The following TNRC18 variants were observed in gnomAD, a reference collection of about 807,000 sequenced individuals.
TNRC18 encodes the protein trinucleotide repeat containing 18, also known as trinucleotide repeat-containing gene 18 protein.
In TNRC18, 69 loss-of-function variants were observed where a neutral mutation model predicts 226.7. The ratio of observed to expected loss-of-function variants is 0.30; its 90% CI spans 0.25 to 0.37. TNRC18 has a LOEUF of 0.37. TNRC18 is among the 10% of genes least tolerant of loss of function. The pLI is 1.00. For synonymous variants in TNRC18, 2,449 were observed against 1,927.6 expected (o/e 1.27, Z -7.09); for missense variants, 4,754 against 4,256.6 (o/e 1.12, Z -3.25).
chr7:5,323,448 C>T (rs1038713535), intron 21 of TNRC18, among the ~76,000 whole-genome samples: 4 of 151,492 alleles, frequency 2.6e-5, no homozygotes, highest in African/African-American at 9.7e-5. Context: ...CCGCCTCCTT[C>T]CCTGCTGCCC....
At chr7:5,408,238 G>C (rs992283131) in intron 2 of TNRC18, among the ~76,000 whole-genome samples, 8 of 150,962 alleles carry the variant, frequency 5.3e-5, no homozygotes, top group Non-Finnish European at 8.8e-5. Flanking sequence ...AGCGGAGGTT[G>C]CAGCGAGCTG....
At chr7:5,327,372 C>CGTGT (rs5882054) in intron 19 of TNRC18, among the ~76,000 whole-genome samples, 3,202 of 142,768 alleles carry the variant, frequency 0.022, 51 homozygotes, top group African/African-American at 0.032. Context: ...TGTGTTTGTG[C>CGTGT]GTGTGTGTGT....
Position 5,421,050 on chromosome 7 carries a change from G to C in TNRC18, c.187+10C>G, listed in dbSNP as rs1782549916. Reference sequence around the variant, plus strand: ...GACAGGAGGGGACGGGCACGGCGCGGGGCACTTACCCGGGTGCGGATGGAG... The same window carrying C: ...GACAGGAGGGGACGGGCACGGCGCGCGGCACTTACCCGGGTGCGGATGGAG... On this transcript the variant is annotated intron_variant, in intron 2 of 29. Coordinates refer to ENST00000430969, the MANE Select transcript of TNRC18 (RefSeq NM_001080495.3). 1 of 1,526,692 alleles carries C rather than the reference G, an allele frequency of 6.6e-7. No individual in the cohort carries two copies. Among genetic ancestry groups the C allele is most frequent in the African/African-American group, 1.4e-5 (1 of 72,520 alleles). The allele number at this position is 1,526,692 out of a possible 1,614,324, so 94.6% of individuals were successfully genotyped here.
At chr7:5,376,758 C>T in intron 8 of TNRC18, 89 bp downstream of exon 8, 2 of 1,500,462 alleles carry the variant, frequency 1.3e-6, no homozygotes, top group Non-Finnish European at 1.8e-6. Context: ...CCGGCCGCCA[C>T]CCCTCAGCAG....
chr7:5,332,451 T>C (rs1025077946), intron 19 of TNRC18, among the ~76,000 whole-genome samples, 171 bp downstream of exon 19: 1 of 152,142 alleles, frequency 6.6e-6, no homozygotes, highest in Admixed American at 6.5e-5. Context: ...AAGGAACAGG[T>C]GCCCAGCTCC....
intron 2 of TNRC18, among the ~76,000 whole-genome samples, chr7:5,413,873 A>T (rs1393465383): frequency 1.3e-5 from 2 of 152,054 alleles, no homozygotes; most frequent in African/African-American, 4.8e-5. Flanking sequence ...ATCATTTCCA[A>T]TTCAGAGAAA....
At chr7:5,402,061 C>T (rs1490568986) in intron 2 of TNRC18, among the ~76,000 whole-genome samples, 1 of 151,934 alleles carries the variant, frequency 6.6e-6, no homozygotes, top group Non-Finnish European at 1.5e-5. Context: ...CCCCTGTAGT[C>T]CCAGCTACTC....
At chr7:5,311,721 G>C (rs1193124286) in intron 27 of TNRC18, among the ~76,000 whole-genome samples, 1 of 152,054 alleles carries the variant, frequency 6.6e-6, no homozygotes, top group Non-Finnish European at 1.5e-5. Context: ...AGGAGGCTGA[G>C]GCGGGAAAAC....
In TNRC18 at chr7:5,374,394, C is replaced by A; in HGVS notation, c.2890G>T (p.Ala964Ser). 4 of 1,521,426 alleles carry A rather than the reference C, an allele frequency of 2.6e-6. No homozygotes were observed. In the South Asian group the frequency reaches 4.9e-5, roughly 19 times the overall value. The allele number at this position is 1,521,426 out of a possible 1,614,324, so 94.2% of individuals were successfully genotyped here. Reference sequence around the variant, plus strand: ...GGCAGCAGCCCGGGGCCGGCGGTGGCCAGGCCAGCCTTGCCCGCAGCCTCC... The same window carrying A: ...GGCAGCAGCCCGGGGCCGGCGGTGGACAGGCCAGCCTTGCCCGCAGCCTCC... ...GLEAAGKAGLATAGPGLLPRK... is the reference protein window; with the variant it reads ...GLEAAGKAGLSTAGPGLLPRK... Residue 964 changes from alanine to serine, a missense_variant, in exon 10 of 30, where the codon GCC becomes TCC. Transcript: ENST00000430969.
At chr7:5,318,961 A>C (rs1788095169) in intron 24 of TNRC18, among the ~76,000 whole-genome samples, 1 of 152,158 alleles carries the variant, frequency 6.6e-6, no homozygotes, top group African/African-American at 2.4e-5. Flanking sequence ...TAAAACAAGG[A>C]ACTGAACCAA....
In TNRC18 at chr7:5,388,814, G is replaced by T; in HGVS notation, c.1010C>A (p.Pro337Gln). The T allele has an allele frequency of 8.4e-7, 1 of 1,184,644 alleles. No homozygotes were observed. The highest frequency in any genetic ancestry group is 3.0e-5 in the South Asian group (1 of 33,016). The allele number at this position is 1,184,644 out of a possible 1,614,324, so 73.4% of individuals were successfully genotyped here. A position where few individuals can be genotyped will look rare whatever the true frequency, so the allele number is the denominator to read the frequency against. The change falls in exon 5 of 30, where the codon CCG becomes CAG. Residue 337 changes from proline (P) to glutamine (Q), a missense_variant. By Grantham distance (76) the Pro-to-Gln change is moderately conservative (BLOSUM62 -1). Transcript: ENST00000430969. The stretch of plus-strand genomic sequence containing the variant: ...AGGCCCCTTGGGGGGCGCGGGCGGC[G>T]GGGGCAGCGGTGAGGGGCAGGGGCG... ...GPRPCPSPLP[P>Q]PPAPPKGPPA...
chr7:5,355,743 G>T (rs1402051262), intron 16 of TNRC18, among the ~76,000 whole-genome samples: 1 of 152,124 alleles, frequency 6.6e-6, no homozygotes, highest in African/African-American at 2.4e-5. Context: ...AGCCGGGTGT[G>T]GTGGTGCTCA....
chr7:5,334,482 A>G (rs1195241920), intron 18 of TNRC18, among the ~76,000 whole-genome samples: 1 of 140,074 alleles, frequency 7.1e-6, no homozygotes, highest in Non-Finnish European at 1.5e-5. Context: ...TTTTTTTAGT[A>G]GAGACGGGGT....
At position 5,387,695 on chromosome 7, in the gene TNRC18, G is replaced by C. The variant is rs376322304; in HGVS notation, c.2129C>G (p.Ser710Cys). ...LGPGLVDQER[S>C]LSLSNVKGHG... Reference sequence around the variant, plus strand: ...ACCTTTGACGTTACTCAGCGACAGAGAGCGCTCCTGGTCTACCAGCCCAGG... The same window carrying C: ...ACCTTTGACGTTACTCAGCGACAGACAGCGCTCCTGGTCTACCAGCCCAGG... The change falls in exon 5 of 30, where the codon TCT becomes TGT. Residue 710 changes from serine to cysteine, a missense_variant. Physicochemically the swap from Ser to Cys is moderately radical, Grantham distance 112. Transcript: ENST00000430969. 1.7e-5 allele frequency: 28 copies of C among 1,604,980 alleles called. No homozygotes were observed. The highest frequency in any genetic ancestry group is 4.0e-5 in the African/African-American group (3 of 74,946).
intron 11 of TNRC18, among the ~76,000 whole-genome samples, chr7:5,366,648 C>T (rs1221402415): frequency 6.6e-6 from 1 of 152,102 alleles, no homozygotes; most frequent in Middle Eastern, 3.2e-3. Flanking sequence ...TTTAGGGAAA[C>T]TGAGGCCACA....
intron 24 of TNRC18, among the ~76,000 whole-genome samples, chr7:5,316,917 T>C (rs1349152907): frequency 6.6e-6 from 1 of 152,032 alleles, no homozygotes; most frequent in Non-Finnish European, 1.5e-5. Context: ...ACCTCAACAC[T>C]GAACAGGCTG....
intron 2 of TNRC18, among the ~76,000 whole-genome samples, chr7:5,413,702 T>G (rs1018866512): frequency 6.6e-6 from 1 of 152,146 alleles, no homozygotes; most frequent in Admixed American, 6.5e-5. Context: ...AACTAGTTTT[T>G]TAAACATTTT....
chr7:5,349,872 A>C (rs1206992080), intron 17 of TNRC18, among the ~76,000 whole-genome samples: 10 of 151,894 alleles, frequency 6.6e-5, no homozygotes, highest in Admixed American at 6.5e-4. Flanking sequence ...AGACCTGCTC[A>C]GTGGTGGACT....
intron 24 of TNRC18, among the ~76,000 whole-genome samples, chr7:5,319,234 C>T (rs574714101): frequency 2.0e-5 from 3 of 152,324 alleles, no homozygotes; most frequent in African/African-American, 7.2e-5. Context: ...TCTACTCAGG[C>T]TGGACCACTC....
Sources: allele counts gnomAD v4.1 joint callset (sites outside exome capture counted in the v4.1 genomes callset), GRCh38; gene constraint gnomAD v4.1.1; transcripts MANE v1.5; gene names NCBI Gene and HGNC (gene_info 2026-07-23, HGNC 2026-07-21).